The following SLC22A24 variants were observed in gnomAD, a reference collection of about 807,000 sequenced individuals.
SLC22A24 encodes steroid transmembrane transporter SLC22A24.
Under a neutral mutation model 49.8 loss-of-function variants are expected in SLC22A24, and 53 were observed. That is an observed-to-expected ratio of 1.06 (90% CI 0.85 to 1.34). The LOEUF is 1.34. Ranked by LOEUF, SLC22A24 falls within the 40% of genes most tolerant of loss-of-function variation. The pLI, the probability that SLC22A24 is intolerant of heterozygous loss-of-function variation, is 0.00. For synonymous variants in SLC22A24, 302 were observed against 256.4 expected (o/e 1.18, Z -1.70); for missense variants, 786 against 675.9 (o/e 1.16, Z -1.81).
intron 1 of SLC22A24, among the ~76,000 whole-genome samples, chr11:63,136,925 C>G (rs958889134): frequency 6.6e-6 from 1 of 152,146 alleles, no homozygotes; most frequent in African/African-American, 2.4e-5. Context: ...GGAGATGTCC[C>G]TTAACTGTAG....
intron 2 of SLC22A24, among the ~76,000 whole-genome samples, chr11:63,128,504 G>A (rs748461731): frequency 2.6e-5 from 4 of 152,138 alleles, no homozygotes; most frequent in Non-Finnish European, 4.4e-5. Context: ...TTATCCGGAG[G>A]CCTAACCATC....
At chr11:63,135,182 G>T (rs2087365018) in intron 1 of SLC22A24, among the ~76,000 whole-genome samples, 1 of 152,110 alleles carries the variant, frequency 6.6e-6, no homozygotes, top group Non-Finnish European at 1.5e-5. Flanking sequence ...TTTCTAAGAA[G>T]GCTTCCCTCA....
chr11:63,134,766 C>A lies in SLC22A24; in HGVS notation c.405G>T (p.Trp135Cys). The change falls in exon 2 of 10, where the codon TGG (tryptophan) becomes TGT (cysteine). Residue 135 changes from tryptophan to cysteine, a missense_variant and splice_region_variant. Transcript: ENST00000612278. The part of the protein sequence containing the change: ...SSFLSTIVTE[W>C]DLVCESQSLK... ...GTGACTGAGATTCACATACCAGGTC[C>A]CACTGGAAGAGAAAGAAAGCAGTAC... is the stretch of plus-strand genomic sequence containing the variant. 6.4e-7 allele frequency: 1 copy of A among 1,570,456 alleles called. No individual in the cohort carries two copies. The highest frequency in any genetic ancestry group is 1.2e-5 in the South Asian group (1 of 85,666).
intron 4 of SLC22A24, among the ~76,000 whole-genome samples, chr11:63,117,007 T>C (rs1281561545): frequency 6.6e-6 from 1 of 152,222 alleles, no homozygotes; most frequent in African/African-American, 2.4e-5. Flanking sequence ...AGACATGGTT[T>C]TCTTTAATTC....
intron 6 of SLC22A24, among the ~76,000 whole-genome samples, chr11:63,085,197 T>C (rs2086980502): frequency 1.3e-5 from 2 of 152,076 alleles, no homozygotes; most frequent in Non-Finnish European, 2.9e-5. Context: ...ATAAAATTTC[T>C]ATAAATTTTA....
intron 4 of SLC22A24, chr11:63,116,010 G>A (rs1479433897): frequency 6.1e-6 from 2 of 330,506 alleles, no homozygotes; most frequent in South Asian, 7.2e-5. Context: ...GACAACATGG[G>A]CAAGAGCCTA....
intron 2 of SLC22A24, among the ~76,000 whole-genome samples, chr11:63,122,085 A>C (rs1217982537): frequency 6.6e-6 from 1 of 152,216 alleles, no homozygotes; most frequent in Non-Finnish European, 1.5e-5. Flanking sequence ...AATCATTTTC[A>C]TTCATTAAAA....
At chr11:63,109,244 C>G (rs1200995819) in intron 4 of SLC22A24, among the ~76,000 whole-genome samples, 4 of 146,870 alleles carry the variant, frequency 2.7e-5, no homozygotes, top group Non-Finnish European at 6.0e-5. Context: ...TCCAGTCTAT[C>G]AGTGTTGGAC....
At chr11:63,134,832 G>T in intron 1 of SLC22A24, 64 bp from the exon 2 acceptor site, 1 of 1,118,958 alleles carries the variant, frequency 8.9e-7, no homozygotes, top group South Asian at 1.4e-5. Flanking sequence ...AGTAGAAACT[G>T]ACTCCAAACT....
chr11:63,137,291 G>A (rs1264624215), intron 1 of SLC22A24, among the ~76,000 whole-genome samples: 1 of 152,168 alleles, frequency 6.6e-6, no homozygotes, highest in African/African-American at 2.4e-5. Flanking sequence ...TTCTTGGCTA[G>A]GGATCTGATT....
At position 63,143,785 on chromosome 11, in the gene SLC22A24, C is replaced by T. The variant is rs72922304; in HGVS notation, c.-6G>A. On this transcript the variant is annotated 5_prime_UTR_variant, in exon 1 of 10. Coordinates refer to ENST00000612278, the MANE Select transcript of SLC22A24 (RefSeq NM_001136506.2). ...AGGAGCACATCAAAGCCCATTGAGACTGAACAGGTGATCCCCAAGAGGAAG... is the reference window on the plus strand; with the variant it reads ...AGGAGCACATCAAAGCCCATTGAGATTGAACAGGTGATCCCCAAGAGGAAG... 61 of 1,387,802 alleles carry T rather than the reference C, an allele frequency of 4.4e-5. No homozygotes were observed. The highest frequency in any genetic ancestry group is 6.0e-5 in the African/African-American group (4 of 67,168). The allele number at this position is 1,387,802 out of a possible 1,614,324, so 86.0% of individuals were successfully genotyped here.
intron 4 of SLC22A24, among the ~76,000 whole-genome samples, chr11:63,112,340 G>A (rs900445011): frequency 6.6e-6 from 1 of 152,200 alleles, no homozygotes; most frequent in African/African-American, 2.4e-5. Flanking sequence ...ATTTGGGGTA[G>A]AGAGTTCTGT....
chr11:63,109,714 T>C (rs540554374), intron 4 of SLC22A24, among the ~76,000 whole-genome samples: 45 of 152,294 alleles, frequency 3.0e-4, no homozygotes, highest in African/African-American at 8.4e-4. Flanking sequence ...TTCTTGTAAA[T>C]TTGCTTGAGT....
intron 6 of SLC22A24, among the ~76,000 whole-genome samples, chr11:63,085,660 T>C (rs2086983050): frequency 6.6e-6 from 1 of 152,230 alleles, no homozygotes; most frequent in Admixed American, 6.5e-5. Context: ...GTTCCTTGAA[T>C]GCAGAGTTTA....
intron 4 of SLC22A24, among the ~76,000 whole-genome samples, chr11:63,109,402 GATCCCTGAGGA>G (rs2087146029): frequency 6.9e-6 from 1 of 145,946 alleles, no homozygotes; most frequent in Non-Finnish European, 1.5e-5. Context: ...TCTAGTTCTA[GATCCCTGAGGA>G]ATCGCCACAC....
At chr11:63,111,859 C>G (rs1469563896) in intron 4 of SLC22A24, among the ~76,000 whole-genome samples, 2 of 151,940 alleles carry the variant, frequency 1.3e-5, no homozygotes, top group South Asian at 4.2e-4. Flanking sequence ...TTCATTTCTG[C>G]TCTGATTTTA....
chr11:63,139,898 T>A (rs1251306405), intron 1 of SLC22A24, among the ~76,000 whole-genome samples: 1 of 151,710 alleles, frequency 6.6e-6, no homozygotes, highest in African/African-American at 2.4e-5. Flanking sequence ...ATATTCTCTT[T>A]ATCTGTATTT....
intron 6 of SLC22A24, among the ~76,000 whole-genome samples, chr11:63,084,913 C>T (rs940326125): frequency 1.3e-5 from 2 of 150,628 alleles, no homozygotes; most frequent in Non-Finnish European, 3.0e-5. Flanking sequence ...TAAGATGAGG[C>T]TATTCTTGTG....
intron 4 of SLC22A24, among the ~76,000 whole-genome samples, chr11:63,113,011 CAAAAAAA>C (rs869264212): frequency 0.021 from 255 of 12,014 alleles, 55 homozygotes; most frequent in African/African-American, 0.078. Flanking sequence ...GACTCTGTCT[CAAAAAAA>C]AAAAAAAAAA....
Sources: allele counts gnomAD v4.1 joint callset (sites outside exome capture counted in the v4.1 genomes callset), GRCh38; gene constraint gnomAD v4.1.1; transcripts MANE v1.5; gene names NCBI Gene and HGNC (gene_info 2026-07-23, HGNC 2026-07-21).